NARF: variants seen among roughly 807,000 people sequenced by gnomAD.
NARF encodes the protein nuclear prelamin A recognition factor, also known as iron-only hydrogenase-like protein 2.
A neutral mutation model predicts 48.0 loss-of-function variants in NARF; 41 were observed. That is an observed-to-expected ratio of 0.85 (90% CI 0.66 to 1.11). NARF has a LOEUF of 1.11. Among genes scored for constraint, NARF ranks in the 50% least tolerant of loss-of-function variants. NARF has a pLI of 0.00. For synonymous variants in NARF, 215 were observed against 225.5 expected, an observed-to-expected ratio of 0.95 and a Z score of 0.42; for missense variants, 613 against 590.2, an observed-to-expected ratio of 1.04 and a Z score of -0.40.
chr17:82,464,822 A>G (rs904517683), intron 3 of NARF, among the ~76,000 whole-genome samples: 3 of 152,200 alleles, frequency 2.0e-5, no homozygotes, highest in South Asian at 2.1e-4. Context: ...TAGACCGATC[A>G]GCTTGGGGCA....
rs553439121 is a variant in NARF, at chr17:82,481,537, T to G, written c.769+326T>G. ...TGAGGTCAGGAGTTCGAGACCAGCC[T>G]GACCAACATGGAGAAACCCCGTCTC... On this transcript the variant is annotated intron_variant, in intron 7 of 10. Coordinates refer to ENST00000309794, the MANE Select transcript of NARF (RefSeq NM_012336.4). Among the ~76,000 whole-genome samples the G allele has an allele frequency of 3.9e-5, 6 of 152,238 alleles. No homozygotes were observed. In the East Asian group the frequency reaches 1.2e-3, roughly 29 times the overall value.
Position 82,460,083 on chromosome 17 carries a change from T to A in NARF, c.108+11T>A, listed in dbSNP as rs774481563. 1 of 1,612,436 alleles carries A rather than the reference T, an allele frequency of 6.2e-7. No homozygotes were observed. The highest frequency in any genetic ancestry group is 1.1e-5 in the South Asian group (1 of 90,958). ...CAGGAAAATGGAGAGGCAAGTAGAT[T>A]TTTCAGTTTTGTATCAGCCCAGAGT... On this transcript the variant is annotated intron_variant, in intron 2 of 10. Transcript: ENST00000309794.
chr17:82,475,070 G>A (rs1050172394), intron 5 of NARF, among the ~76,000 whole-genome samples: 7 of 152,170 alleles, frequency 4.6e-5, no homozygotes, highest in Non-Finnish European at 7.4e-5. Flanking sequence ...GGTTTCTGGG[G>A]CTGCCTGGAC....
chr17:82,485,039 A>AT (rs2143961829), intron 9 of NARF, 89 bp downstream of exon 9: 1 of 1,436,406 alleles, frequency 7.0e-7, no homozygotes, highest in Admixed American at 2.6e-5. Context: ...TGGCGGTTCT[A>AT]TGGATGGAGT....
intron 3 of NARF, among the ~76,000 whole-genome samples, chr17:82,466,423 GTACGGTGTGCGATGTGAA>G (rs1283401848): frequency 1.3e-5 from 2 of 152,084 alleles, no homozygotes; most frequent in African/African-American, 4.8e-5. Context: ...TTATATTTTA[GTACGGTGTGCGATGTGAA>G]TACATTCTTC....
intron 7 of NARF, chr17:82,482,302 C>T (rs1401166236): frequency 5.2e-6 from 2 of 383,422 alleles, no homozygotes; most frequent in South Asian, 3.6e-5. Context: ...TAGGCACAGG[C>T]TCCCTGTGGG....
upstream of NARF, chr17:82,458,483 C>T (rs1175412127): frequency 3.0e-6 from 1 of 329,434 alleles, no homozygotes; most frequent in Non-Finnish European, 5.5e-6. Context: ...CGGAAACCGG[C>T]GCAAGGACCC....
At chr17:82,472,423 G>T (rs985195674) in intron 4 of NARF, 141 bp from the exon 5 acceptor site, 2 of 833,388 alleles carry the variant, frequency 2.4e-6, no homozygotes, top group Non-Finnish European at 3.5e-6. Flanking sequence ...GGCGGAGGTT[G>T]CAGTGAGCCG....
chr17:82,458,850 G>A lies in NARF; in HGVS notation c.27+20G>A, dbSNP rs764057852. The A allele has an allele frequency of 1.4e-6, 2 of 1,396,502 alleles. No homozygotes were observed. The highest frequency in any genetic ancestry group is 3.1e-5 in the Admixed American group (1 of 32,396). 86.5% of individuals were successfully genotyped at this position (1,396,502 alleles called of 1,614,324 possible). A position where few individuals can be genotyped will look rare whatever the true frequency, so the allele number is the denominator to read the frequency against. On this transcript the variant is annotated intron_variant, in intron 1 of 10. Transcript: ENST00000309794. The stretch of plus-strand genomic sequence containing the variant: ...CGCAAGGTGAGCGCCGCGGGCCGGG[G>A]AGGCGCGCGCCTGGTGCTTGTCCTG...
At chr17:82,466,423 G>T (rs1198665835) in intron 3 of NARF, among the ~76,000 whole-genome samples, 3 of 152,084 alleles carry the variant, frequency 2.0e-5, no homozygotes, top group Non-Finnish European at 4.4e-5. Context: ...TTATATTTTA[G>T]TACGGTGTGC....
Position 82,460,027 on chromosome 17 carries a change from G to C in NARF, c.63G>C (p.Glu21Asp), listed in dbSNP as rs766527529. 3.1e-6 allele frequency: 5 copies of C among 1,613,840 alleles called. No homozygotes were observed. In the East Asian group the frequency reaches 6.7e-5, roughly 22 times the overall value. ...AGAAAACAAAAACTGATGACCAAGA[G>C]AATGTGTCAGCCGATGCACCGAGTC... is the stretch of plus-strand genomic sequence containing the variant. ...CSKKTKTDDQENVSADAPSPA... is the reference protein window; with the variant it reads ...CSKKTKTDDQDNVSADAPSPA... Residue 21 changes from glutamate (E) to aspartate (D), a missense_variant, in exon 2 of 11, where the codon GAG (glutamate) becomes GAC (aspartate). By Grantham distance (45) the Glu-to-Asp change is conservative. Transcript: ENST00000309794.
chr17:82,458,698 GT>G, upstream of NARF: 1 of 1,378,442 alleles, frequency 7.3e-7, no homozygotes, highest in Non-Finnish European at 9.4e-7. Flanking sequence ...GTGAGGCCGC[GT>G]CGGGGGAGGA....
intron 5 of NARF, among the ~76,000 whole-genome samples, chr17:82,478,299 T>A (rs1203721860): frequency 1.3e-5 from 2 of 152,244 alleles, no homozygotes; most frequent in African/African-American, 4.8e-5. Flanking sequence ...TGCTATTTAT[T>A]ACGACTTGAG....
intron 4 of NARF, among the ~76,000 whole-genome samples, chr17:82,471,448 C>G (rs1464202799): frequency 7.4e-6 from 1 of 135,454 alleles, no homozygotes; most frequent in Non-Finnish European, 1.5e-5. Context: ...GGGCGAGACA[C>G]TGTCTCAAAA....
intron 10 of NARF, among the ~76,000 whole-genome samples, chr17:82,486,864 A>G (rs1021252136): frequency 6.6e-6 from 1 of 152,212 alleles, no homozygotes; most frequent in African/African-American, 2.4e-5. Context: ...GAGTGACATC[A>G]TCTAACACGT....
intron 5 of NARF, among the ~76,000 whole-genome samples, chr17:82,475,482 T>A (rs1198430832): frequency 1.3e-5 from 2 of 151,992 alleles, no homozygotes; most frequent in Non-Finnish European, 2.9e-5. Flanking sequence ...CTGTAGTCCC[T>A]GCTACTCGGG....
intron 4 of NARF, among the ~76,000 whole-genome samples, chr17:82,469,400 C>T (rs758310048): frequency 1.4e-4 from 21 of 152,146 alleles, no homozygotes; most frequent in Non-Finnish European, 2.5e-4. Context: ...CGGATGTCAA[C>T]GCTGGAATAG....
rs2043593693 is a variant in NARF, at chr17:82,467,308, A to G, written c.253-1456A>G. Among the ~76,000 whole-genome samples, 6 of 151,860 alleles carry G rather than the reference A, an allele frequency of 4.0e-5. 1 individual carries two copies. In the South Asian group the frequency reaches 1.2e-3, roughly 32 times the overall value. The stretch of plus-strand genomic sequence containing the variant: ...GCTATCCACCAGCCCCGGCCTCCCA[A>G]AGTGCTGGGATTATAGGCATGAGCC... On this transcript the variant is annotated intron_variant, in intron 3 of 10. Coordinates refer to ENST00000309794, the MANE Select transcript of NARF (RefSeq NM_012336.4).
At chr17:82,480,930 C>CA (rs35163925) in intron 6 of NARF, 152 bp from the exon 7 acceptor site, 140,252 of 622,674 alleles carry the variant, frequency 0.23, 9,126 homozygotes, top group East Asian at 0.39. Context: ...GACTCCATTT[C>CA]AAAAAAAAAA....
Sources: allele counts gnomAD v4.1 joint callset (sites outside exome capture counted in the v4.1 genomes callset), GRCh38; gene constraint gnomAD v4.1.1; transcripts MANE v1.5; gene names NCBI Gene and HGNC (gene_info 2026-07-23, HGNC 2026-07-21).